The following TMEM235 variants were observed in gnomAD, a reference collection of about 807,000 sequenced individuals.
The protein encoded by TMEM235 is transmembrane protein 235.
In TMEM235, 23 loss-of-function variants were observed where a neutral mutation model predicts 22.9. The ratio of observed to expected loss-of-function variants is 1.00; its 90% CI spans 0.72 to 1.42. The LOEUF (loss-of-function observed/expected upper bound fraction) is 1.42, where lower values mean the gene tolerates loss of function less well. TMEM235 is among the 40% of genes most tolerant of loss of function. TMEM235 has a pLI of 0.00. For missense variants in TMEM235, 308 were observed against 299.5 expected (o/e 1.03, Z -0.21); for synonymous variants, 137 against 140.5 (o/e 0.98, Z 0.17).
At chr17:78,232,901 G>T (rs1567872616) in intron 2 of TMEM235, among the ~76,000 whole-genome samples, 1 of 152,196 alleles carries the variant, frequency 6.6e-6, no homozygotes, top group East Asian at 1.9e-4. Context: ...ATGTAAATAT[G>T]AATATGTGAG....
At chr17:78,231,862 G>C in exon 2 of TMEM235, 11 of 1,146,638 alleles carry the variant, frequency 9.6e-6, no homozygotes, top group Non-Finnish European at 1.2e-5. Context: ...ACCCCAGGGG[G>C]CCCGCGAGGC....
intron 4 of TMEM235, among the ~76,000 whole-genome samples, chr17:78,236,030 C>T (rs922090166): frequency 2.0e-5 from 3 of 152,240 alleles, no homozygotes; most frequent in Non-Finnish European, 4.4e-5. Context: ...TCCCACCAGG[C>T]GCCCCCTCCA....
upstream of TMEM235, chr17:78,231,316 G>T: frequency 9.4e-7 from 1 of 1,062,766 alleles, no homozygotes; most frequent in African/African-American, 1.7e-5. Context: ...GCCTGTCCTA[G>T]AAGGTTCTTT....
At position 78,238,184 on chromosome 17, in the gene TMEM235, A is replaced by C. The variant is rs2076664991; in HGVS notation, c.410-840A>C. ...TCCTCCAAGCTCAGTGGACAGGAAA[A>C]TGCCCTGGAGGCATGGGCCGAGTCC... On this transcript the variant is annotated intron_variant, in intron 4 of 5. Transcript: ENST00000421688. This position sits in a 1 kb window ranked among gnomAD's most constrained non-coding sequence, Gnocchi z 4.3. Among the ~76,000 whole-genome samples, 1 of 152,176 alleles carries C rather than the reference A, an allele frequency of 6.6e-6. No homozygotes were observed.
At chr17:78,234,680 C>T in exon 4 of TMEM235, 1 of 1,536,180 alleles carries the variant, frequency 6.5e-7, no homozygotes, top group Non-Finnish European at 8.7e-7. Context: ...AGCTCCCTGG[C>T]CCAGAGCGTG....
rs945171411 is a variant in TMEM235 at position 78,238,821 on chromosome 17, C to T, written c.410-203C>T. Among the ~76,000 whole-genome samples the T allele has an allele frequency of 6.6e-6, 1 of 151,950 alleles. No homozygotes were observed. Among genetic ancestry groups the T allele is most frequent in the Non-Finnish European group, 1.5e-5 (1 of 67,984 alleles). On this transcript the variant is annotated intron_variant, in intron 4 of 5. Transcript: ENST00000421688. The surrounding 1 kb of genome is among the most constrained non-coding windows in gnomAD (Gnocchi z 4.3). ...TGACTACCTTTAGCCCTGTCCAACC[C>T]CAAGCAGGAGGTGGTGTCTGGGAGA... is the stretch of plus-strand genomic sequence containing the variant.
chr17:78,231,367 G>C (rs1453242973), intron 1 of TMEM235: 2 of 1,236,898 alleles, frequency 1.6e-6, no homozygotes, highest in Admixed American at 5.3e-5. Flanking sequence ...GGCAGAGGCC[G>C]GCCTTGCTGG....
At chr17:78,231,298 C>A, upstream of TMEM235, 1 of 880,470 alleles carries the variant, frequency 1.1e-6, no homozygotes, top group Non-Finnish European at 1.5e-6. Flanking sequence ...CCCCCACTGG[C>A]ACCCCACGCC....
chr17:78,239,004 C>CCTCCCCATCT lies in TMEM235; in HGVS notation c.410-13_410-4dup, dbSNP rs1176227985. 1.1e-5 allele frequency: 17 copies of CCTCCCCATCT among 1,529,334 alleles called. No homozygotes were observed. The highest frequency in any genetic ancestry group is 1.4e-5 in the Non-Finnish European group (16 of 1,138,218). The allele number at this position is 1,529,334 out of a possible 1,614,324, so 94.7% of individuals were successfully genotyped here. A position where few individuals can be genotyped will look rare whatever the true frequency, so the allele number is the denominator to read the frequency against. On this transcript the variant is annotated intron_variant, in intron 4 of 5. Transcript: ENST00000421688. ...GCTAGAGCAGACACCGAGCAGCTGC[C>CCTCCCCATCT]CTCCCCATCTCTCCCCCAGGTGTCC...
chr17:78,239,708 G>A, intron 5 of TMEM235, 72 bp from the exon 5 acceptor site: 1 of 1,489,674 alleles, frequency 6.7e-7, no homozygotes, highest in Admixed American at 2.2e-5. Context: ...AAATGCCGCA[G>A]GACTGGGCTC....
chr17:78,231,722 CG>C, exon 2 of TMEM235: 1 of 1,252,632 alleles, frequency 8.0e-7, no homozygotes. Context: ...CCCAGGGACC[CG>C]GGGCCAGCCC....
At chr17:78,231,471 CG>C in exon 2 of TMEM235, 1 of 1,303,466 alleles carries the variant, frequency 7.7e-7, no homozygotes, top group Non-Finnish European at 1.0e-6. Context: ...TGCACTTCAC[CG>C]GATGCCGTCT....
chr17:78,240,093 G>A, exon 6 of TMEM235: 2 of 1,399,426 alleles, frequency 1.4e-6, no homozygotes, highest in Non-Finnish European at 1.9e-6. Context: ...GGCACAGGCT[G>A]CTGCTGCTTC....
rs528048584 is a variant in TMEM235 at position 78,238,942 on chromosome 17, T to C, written c.410-82T>C. On this transcript the variant is annotated intron_variant, in intron 4 of 5. Coordinates refer to ENST00000421688, the Ensembl canonical transcript of TMEM235. This position sits in a 1 kb window ranked among gnomAD's most constrained non-coding sequence, Gnocchi z 4.3. Reference sequence around the variant, plus strand: ...TGAATGCTAGCGGGGCCGGGGATGCTGAGGCCATGTCTGCAGGACCACCTG... The same window carrying C: ...TGAATGCTAGCGGGGCCGGGGATGCCGAGGCCATGTCTGCAGGACCACCTG... 2.0e-6 allele frequency: 3 copies of C among 1,472,628 alleles called. No homozygotes were observed. The African/African-American group carries it at 4.2e-5, about 20-fold the overall frequency. The allele number at this position is 1,472,628 out of a possible 1,614,324, so 91.2% of individuals were successfully genotyped here.
At position 78,237,080 on chromosome 17, in the gene TMEM235, G is replaced by T. The variant is rs1398963958; in HGVS notation, c.410-1944G>T. ...CTGGGAGCGAAGGCACCGGCTAGGGGGTGGAGGGGCCGGAGGTAGCTGGTG... is the reference window on the plus strand; with the variant it reads ...CTGGGAGCGAAGGCACCGGCTAGGGTGTGGAGGGGCCGGAGGTAGCTGGTG... On this transcript the variant is annotated intron_variant, in intron 4 of 5. Transcript: ENST00000421688. The surrounding 1 kb of genome is among the most constrained non-coding windows in gnomAD (Gnocchi z 4.7). 6.6e-6 allele frequency among the ~76,000 whole-genome samples: 1 copy of T among 152,198 alleles called. No homozygotes were observed. The highest frequency in any genetic ancestry group is 1.5e-5 in the Non-Finnish European group (1 of 68,030).
chr17:78,235,541 C>A (rs1040143168), intron 4 of TMEM235, among the ~76,000 whole-genome samples: 6 of 151,662 alleles, frequency 4.0e-5, no homozygotes, highest in Admixed American at 3.9e-4. Flanking sequence ...CCTGCCTCAG[C>A]CTCCCTAAGT....
At chr17:78,240,260 C>A in exon 6 of TMEM235, 1 of 316,670 alleles carries the variant, frequency 3.2e-6, no homozygotes, top group Non-Finnish European at 5.8e-6. Flanking sequence ...CCTTGCCTGC[C>A]TCAAAGGGGG....
chr17:78,239,939 C>A lies in TMEM235; in HGVS notation c.*147C>A, dbSNP rs759306093. On this transcript the variant is annotated 3_prime_UTR_variant, in exon 6 of 6. Coordinates refer to ENST00000421688, the Ensembl canonical transcript of TMEM235. The stretch of plus-strand genomic sequence containing the variant: ...GAGGCTGATGAGAGGGCCCGAGAGC[C>A]CCTCCGATTTGCAGGGGTGGGGGGC... The A allele has an allele frequency of 5.6e-5, 87 of 1,550,272 alleles. 1 individual carries two copies. In the South Asian group the frequency reaches 1.0e-3, roughly 19 times the overall value.
chr17:78,240,350 A>G (rs2081108835), exon 6 of TMEM235: 1 of 200,350 alleles, frequency 5.0e-6, no homozygotes, highest in Non-Finnish European at 1.1e-5. Context: ...TTTGGGATGC[A>G]GGCTTGTTAA....
Sources: gnomAD v4.1 joint callset for allele counts (sites outside exome capture counted in the v4.1 genomes callset) on GRCh38, gnomAD v4.1.1 for gene constraint, Gnocchi (gnomAD v3.1) non-coding constraint, MANE v1.5 for transcripts, NCBI Gene and HGNC (gene_info 2026-07-23, HGNC 2026-07-21) for gene names.